The following MAML2 variants were observed in gnomAD, a reference collection of about 807,000 sequenced individuals.
MAML2 encodes mastermind like transcriptional coactivator 2, also known as mastermind-like protein 2.
A neutral mutation model predicts 96.1 loss-of-function variants in MAML2; 22 were observed. That is an observed-to-expected ratio of 0.23 (90% CI 0.16 to 0.33). The LOEUF (loss-of-function observed/expected upper bound fraction) is 0.33. MAML2 is among the 10% of genes least tolerant of loss of function. The pLI, the probability that MAML2 is intolerant of heterozygous loss-of-function variation, is 1.00. For missense variants in MAML2, 1,367 were observed against 1,392.4 expected (o/e 0.98, Z 0.29); for synonymous variants, 561 against 521.3 (o/e 1.08, Z -1.04).
chr11:96,312,219 C>CAAAAAAAAAAAAAAAAAAA lies in MAML2; in HGVS notation c.513+29145_513+29163dup, dbSNP rs34658278. ...TGGGCGACAGAGCAAGACTCTATCT[C>CAAAAAAAAAAAAAAAAAAA]AAAAAAAAAAAAAAAAAAAAAAAAA... On this transcript the variant is annotated intron_variant, in intron 1 of 4. Coordinates refer to ENST00000524717, the MANE Select transcript of MAML2 (RefSeq NM_032427.4). Among the ~76,000 whole-genome samples, 56 of 51,552 alleles carry CAAAAAAAAAAAAAAAAAAA rather than the reference C, an allele frequency of 1.1e-3. 1 individual carries two copies. The highest frequency in any genetic ancestry group is 2.1e-3 in the East Asian group (3 of 1,414). 33.8% of individuals were successfully genotyped at this position (51,552 alleles called of 152,430 possible).
At chr11:96,173,905 C>T (rs1201510680) in intron 1 of MAML2, among the ~76,000 whole-genome samples, 1 of 152,182 alleles carries the variant, frequency 6.6e-6, no homozygotes, top group Non-Finnish European at 1.5e-5. Context: ...AGAAGTATGG[C>T]CATTTTGTCA....
chr11:96,032,708 G>T (rs752908639), intron 2 of MAML2, among the ~76,000 whole-genome samples: 4 of 151,708 alleles, frequency 2.6e-5, no homozygotes, highest in Non-Finnish European at 5.9e-5. Flanking sequence ...ATGCTACTTC[G>T]CACTAAAAAG....
At chr11:96,276,556 C>T (rs1862990574) in intron 1 of MAML2, among the ~76,000 whole-genome samples, 3 of 152,138 alleles carry the variant, frequency 2.0e-5, no homozygotes, top group Admixed American at 2.0e-4. Flanking sequence ...CAGCCTGTAC[C>T]GACAACCATA....
chr11:96,171,270 G>A (rs1356380762), intron 1 of MAML2, among the ~76,000 whole-genome samples: 1 of 152,134 alleles, frequency 6.6e-6, no homozygotes, highest in African/African-American at 2.4e-5. Flanking sequence ...TTATCTAACG[G>A]TGATATGTCA....
intron 1 of MAML2, among the ~76,000 whole-genome samples, chr11:96,251,536 T>C (rs1862581369): frequency 6.6e-6 from 1 of 152,188 alleles, no homozygotes. Context: ...TTATTAGTAG[T>C]AAGTAGGATT....
rs1477701069 is a variant in MAML2, at chr11:96,092,597, C to G, written c.1434G>C (p.Glu478Asp). Residue 478 changes from glutamate to aspartate, a missense_variant, in exon 2 of 5, where the codon GAG (glutamate) becomes GAC (aspartate). By Grantham distance (45) the Glu-to-Asp change is conservative. Transcript: ENST00000524717. The surrounding 1 kb of genome is among the most constrained non-coding windows in gnomAD (Gnocchi z 4.1). ...AGPSPGPFGQ[E>D]KIPSPSFGQQ... Reference sequence around the variant, plus strand: ...GACCAAAAGAAGGGCTGGGGATTTTCTCCTGCCCAAATGGACCTGGTGATG... The same window carrying G: ...GACCAAAAGAAGGGCTGGGGATTTTGTCCTGCCCAAATGGACCTGGTGATG... 1 of 1,610,966 alleles carries G rather than the reference C, an allele frequency of 6.2e-7. No homozygotes were observed. Among genetic ancestry groups the G allele is most frequent in the Admixed American group, 1.7e-5 (1 of 59,960 alleles).
At chr11:96,202,786 G>T (rs768487288) in intron 1 of MAML2, among the ~76,000 whole-genome samples, 1 of 151,960 alleles carries the variant, frequency 6.6e-6, no homozygotes. Flanking sequence ...ATGCCACCAC[G>T]CCTGGCTAAT....
At chr11:96,050,009 C>T (rs1212982117) in intron 2 of MAML2, among the ~76,000 whole-genome samples, 1 of 152,202 alleles carries the variant, frequency 6.6e-6, no homozygotes, top group African/African-American at 2.4e-5. Context: ...TCTTTCCGAA[C>T]AGTAAAGCTA....
chr11:96,259,540 C>T (rs1381855025), intron 1 of MAML2, among the ~76,000 whole-genome samples: 2 of 152,156 alleles, frequency 1.3e-5, no homozygotes, highest in Non-Finnish European at 2.9e-5. Context: ...ATTTATGAAC[C>T]GACTTGCCTT....
In MAML2 at chr11:95,979,898, T is replaced by C. The variant is rs777350024; in HGVS notation, c.2521A>G (p.Ile841Val). Reference sequence around the variant, plus strand: ...AGGAGGCTGGAATTGGGAGTTAAAATGGTGTGTGTTGAAACTGGGTTTGCC... The same window carrying C: ...AGGAGGCTGGAATTGGGAGTTAAAACGGTGTGTGTTGAAACTGGGTTTGCC... ...ALANPVSTHT[I>V]LTPNSSLLST... Residue 841 changes from isoleucine to valine, a missense_variant, in exon 5 of 5, where the codon ATT becomes GTT. Coordinates refer to ENST00000524717, the MANE Select transcript of MAML2 (RefSeq NM_032427.4). 1.2e-6 allele frequency: 2 copies of C among 1,613,796 alleles called. No individual in the cohort carries two copies. The highest frequency in any genetic ancestry group is 2.7e-5 in the African/African-American group (2 of 74,908).
chr11:96,065,026 C>T lies in MAML2; in HGVS notation c.2139+26866G>A, dbSNP rs1859223451. On this transcript the variant is annotated intron_variant, in intron 2 of 4. Transcript: ENST00000524717. ...CAACATCTCAACAAAGTACTGTGTTCTTAAAAAACTAGAAGGAATGTTTTT... is the reference window on the plus strand; with the variant it reads ...CAACATCTCAACAAAGTACTGTGTTTTTAAAAAACTAGAAGGAATGTTTTT... Among the ~76,000 whole-genome samples, 3 of 152,090 alleles carry T rather than the reference C, an allele frequency of 2.0e-5. No homozygotes were observed. In the South Asian group the frequency reaches 6.2e-4, roughly 32 times the overall value.
At chr11:96,062,926 T>C (rs1859188502) in intron 2 of MAML2, among the ~76,000 whole-genome samples, 1 of 152,204 alleles carries the variant, frequency 6.6e-6, no homozygotes. Flanking sequence ...AAGCCAAATA[T>C]GATTATGTTG....
intron 2 of MAML2, among the ~76,000 whole-genome samples, chr11:96,044,400 G>A (rs1237312317): frequency 6.6e-6 from 1 of 152,134 alleles, no homozygotes; most frequent in Non-Finnish European, 1.5e-5. Flanking sequence ...CCTGCCTACT[G>A]CACAAATTCA....
intron 1 of MAML2, among the ~76,000 whole-genome samples, chr11:96,229,469 C>T (rs1287238572): frequency 6.7e-6 from 1 of 150,242 alleles, no homozygotes; most frequent in East Asian, 1.9e-4. Flanking sequence ...CTCTACCTAC[C>T]TAGAGGATCC....
chr11:96,260,493 A>G (rs867554048), intron 1 of MAML2, among the ~76,000 whole-genome samples: 1 of 152,218 alleles, frequency 6.6e-6, no homozygotes. Context: ...TAAGATGGAC[A>G]TCTGATAGGA....
At chr11:96,116,748 G>A (rs1465243988) in intron 1 of MAML2, among the ~76,000 whole-genome samples, 3 of 152,202 alleles carry the variant, frequency 2.0e-5, no homozygotes. Context: ...TGATTCATAT[G>A]TATGGCGAAG....
At chr11:96,165,940 AG>A (rs1861181602) in intron 1 of MAML2, among the ~76,000 whole-genome samples, 1 of 152,220 alleles carries the variant, frequency 6.6e-6, no homozygotes, top group African/African-American at 2.4e-5. Flanking sequence ...TGCCTTAGGC[AG>A]GATATTTGTG....
chr11:96,253,513 A>G (rs1165370521), intron 1 of MAML2, among the ~76,000 whole-genome samples: 2 of 152,216 alleles, frequency 1.3e-5, no homozygotes, highest in Non-Finnish European at 2.9e-5. Flanking sequence ...GAAGCAGCTA[A>G]TGTTGTTACT....
intron 1 of MAML2, among the ~76,000 whole-genome samples, chr11:96,317,814 A>C (rs555723658): frequency 6.6e-6 from 1 of 152,366 alleles, no homozygotes; most frequent in East Asian, 1.9e-4. Context: ...TTTCTTCTCC[A>C]GGTTCCTTTG....
Sources: allele counts gnomAD v4.1 joint callset (sites outside exome capture counted in the v4.1 genomes callset), GRCh38; gene constraint gnomAD v4.1.1; non-coding constraint Gnocchi (gnomAD v3.1); transcripts MANE v1.5; gene names NCBI Gene and HGNC (gene_info 2026-07-23, HGNC 2026-07-21).